The following SYNPR variants were observed in gnomAD, a reference collection of about 807,000 sequenced individuals.
SYNPR encodes the protein synaptoporin.
SYNPR carries 23 observed loss-of-function variants against 32.9 expected under a neutral mutation model. The ratio of observed to expected loss-of-function variants is 0.70; its 90% CI spans 0.50 to 0.99. The LOEUF is 0.99. SYNPR is among the 50% of genes least tolerant of loss of function. The pLI is 0.00. For missense variants in SYNPR, 318 were observed against 349.3 expected (o/e 0.91, Z 0.71); for synonymous variants, 146 against 135.9 (o/e 1.07, Z -0.52).
intron 4 of SYNPR, among the ~76,000 whole-genome samples, chr3:63,595,733 AT>A: frequency 3.5e-5 from 1 of 28,320 alleles, no homozygotes; most frequent in Non-Finnish European, 5.0e-5. Flanking sequence ...ATATATATAT[AT>A]ATATATATAT....
chr3:63,281,473 A>G (rs773890936), intron 2 of SYNPR, among the ~76,000 whole-genome samples: 11 of 152,230 alleles, frequency 7.2e-5, no homozygotes, highest in Non-Finnish European at 1.2e-4. Flanking sequence ...TTTATTTCTC[A>G]TAGTTCTGAA....
chr3:63,343,545 C>T (rs1339774296), intron 2 of SYNPR, among the ~76,000 whole-genome samples: 1 of 152,196 alleles, frequency 6.6e-6, no homozygotes, highest in East Asian at 1.9e-4. Flanking sequence ...CTGGTAAGGA[C>T]TGGGTACAAC....
At chr3:63,518,562 C>A (rs189330163) in intron 3 of SYNPR, among the ~76,000 whole-genome samples, 8 of 152,264 alleles carry the variant, frequency 5.3e-5, no homozygotes, top group African/African-American at 1.7e-4. Context: ...TAGACCTTTA[C>A]TGCTTAATAT....
At position 63,352,338 on chromosome 3, in the gene SYNPR, C is replaced by T. The variant is rs140985453; in HGVS notation, c.84+73596C>T. 5.1e-4 allele frequency among the ~76,000 whole-genome samples: 78 copies of T among 152,224 alleles called. 1 individual carries two copies. Among genetic ancestry groups the T allele is most frequent in the East Asian group, 1.9e-3 (10 of 5,158 alleles). ...TAAAAGAATCTCCTGAGGAGCTTTT[C>T]AAACCGGCAGATTCGGCTGGAAAAT... On this transcript the variant is annotated intron_variant, in intron 2 of 5. Coordinates refer to ENST00000478300, the MANE Select transcript of SYNPR (RefSeq NM_001130003.2).
chr3:63,355,842 T>C (rs1296335626), intron 2 of SYNPR, among the ~76,000 whole-genome samples: 2 of 152,194 alleles, frequency 1.3e-5, no homozygotes, highest in African/African-American at 4.8e-5. Flanking sequence ...AAATAACTTA[T>C]CAGTTCCTCA....
intron 2 of SYNPR, among the ~76,000 whole-genome samples, chr3:63,281,989 C>T (rs1488916832): frequency 6.6e-6 from 1 of 151,926 alleles, no homozygotes; most frequent in Non-Finnish European, 1.5e-5. Flanking sequence ...TCAAGACCAG[C>T]CTAGCCAACA....
At chr3:63,517,904 T>C (rs574260340) in intron 3 of SYNPR, among the ~76,000 whole-genome samples, 1 of 152,138 alleles carries the variant, frequency 6.6e-6, no homozygotes, top group South Asian at 2.1e-4. Flanking sequence ...GGAAGACAAA[T>C]AGGGAAATAA....
intron 2 of SYNPR, among the ~76,000 whole-genome samples, chr3:63,332,227 C>G (rs925053451): frequency 5.3e-5 from 8 of 152,160 alleles, no homozygotes; most frequent in African/African-American, 1.9e-4. Flanking sequence ...TTCTTCACCC[C>G]TCTTTACTCC....
chr3:63,277,823 G>A (rs2086591015), upstream of SYNPR, among the ~76,000 whole-genome samples: 1 of 152,028 alleles, frequency 6.6e-6, no homozygotes, highest in African/African-American at 2.4e-5. Context: ...GCTTCCCCTG[G>A]GGGAAGTGAC....
intron 3 of SYNPR, among the ~76,000 whole-genome samples, chr3:63,488,020 G>C (rs1575670736): frequency 6.6e-6 from 1 of 152,144 alleles, no homozygotes; most frequent in Non-Finnish European, 1.5e-5. Context: ...GGTGCAAGTA[G>C]ATGCCAGGAA....
At chr3:63,496,387 T>C (rs9857649) in intron 3 of SYNPR, among the ~76,000 whole-genome samples, 91,786 of 151,934 alleles carry the variant, frequency 0.6, 27,962 homozygotes, top group African/African-American at 0.67. Flanking sequence ...AGCTATACTA[T>C]AATTTCTTGT....
the SYNPR span, among the ~76,000 whole-genome samples, chr3:63,217,079 G>T: frequency 3.7e-5 from 1 of 26,810 alleles, no homozygotes; most frequent in East Asian, 3.6e-4. Flanking sequence ...CAGATCTCCA[G>T]CTGCGTGCTG....
chr3:63,485,441 A>C (rs1478300377), intron 3 of SYNPR, among the ~76,000 whole-genome samples: 2 of 152,202 alleles, frequency 1.3e-5, no homozygotes, highest in African/African-American at 2.4e-5. Flanking sequence ...CCTCAAAGAA[A>C]GAAAGGAGTG....
chr3:63,380,351 T>A (rs1051958826), intron 2 of SYNPR, among the ~76,000 whole-genome samples: 5 of 152,190 alleles, frequency 3.3e-5, no homozygotes, highest in African/African-American at 1.2e-4. Context: ...CAGCACCTGT[T>A]GTTTCCTGAC....
At chr3:63,596,888 G>C (rs1458871342) in intron 4 of SYNPR, among the ~76,000 whole-genome samples, 1 of 152,108 alleles carries the variant, frequency 6.6e-6, no homozygotes, top group Non-Finnish European at 1.5e-5. Context: ...GATAGCACTA[G>C]TAACATGTGG....
At position 63,615,546 on chromosome 3, in the gene SYNPR, T is replaced by G; in HGVS notation, c.*65T>G. 1 of 1,552,618 alleles carries G rather than the reference T, an allele frequency of 6.4e-7. No homozygotes were observed. On this transcript the variant is annotated 3_prime_UTR_variant, in exon 6 of 6. Transcript: ENST00000478300. ...CTTCCATTTCAGTGGCAGAAGAATT[T>G]TTTAAGGGTTTCAATCAATTATTAA...
intron 1 of SYNPR, among the ~76,000 whole-genome samples, chr3:63,239,352 C>A: frequency 6.6e-6 from 1 of 151,724 alleles, no homozygotes; most frequent in Admixed American, 6.6e-5. Flanking sequence ...CCCATCCTAC[C>A]ATTGTCACCC....
At chr3:63,339,399 G>A (rs1324093181) in intron 2 of SYNPR, among the ~76,000 whole-genome samples, 3 of 152,138 alleles carry the variant, frequency 2.0e-5, no homozygotes, top group Non-Finnish European at 2.9e-5. Context: ...GCAGTTGTAA[G>A]AAATAATACA....
intron 2 of SYNPR, among the ~76,000 whole-genome samples, chr3:63,264,454 C>T (rs1397033372): frequency 1.3e-5 from 2 of 152,032 alleles, no homozygotes; most frequent in African/African-American, 2.4e-5. Context: ...AGAAACTCCT[C>T]GAGCTTTTAA....
Sources: allele counts gnomAD v4.1 joint callset (sites outside exome capture counted in the v4.1 genomes callset), GRCh38; gene constraint gnomAD v4.1.1; transcripts MANE v1.5; gene names NCBI Gene and HGNC (gene_info 2026-07-23, HGNC 2026-07-21).